Variants in EMP2 observed in about 807,000 individuals in gnomAD.
The protein encoded by EMP2 is epithelial membrane protein 2.
A neutral mutation model predicts 13.7 loss-of-function variants in EMP2; 19 were observed. The observed-to-expected ratio is 1.38, with a 90% CI of 0.97 to 2.03. The LOEUF (loss-of-function observed/expected upper bound fraction) is 2.03, where lower values mean the gene tolerates loss of function less well. EMP2 is among the 30% of genes most tolerant of loss of function. The pLI is 0.00. For missense variants in EMP2, 253 were observed against 220.7 expected, an observed-to-expected ratio of 1.15 and a Z score of -0.93; for synonymous variants, 97 against 84.7, an observed-to-expected ratio of 1.15 and a Z score of -0.80.
intron 4 of EMP2, among the ~76,000 whole-genome samples, chr16:10,536,390 G>A (rs979571820): frequency 1.3e-5 from 2 of 152,080 alleles, no homozygotes; most frequent in Admixed American, 6.5e-5. Flanking sequence ...TGTCAAGGAC[G>A]GGGCTAGGTG....
intron 1 of EMP2, among the ~76,000 whole-genome samples, chr16:10,554,638 C>A (rs529881472): frequency 6.6e-6 from 1 of 152,286 alleles, no homozygotes; most frequent in Admixed American, 6.5e-5. Flanking sequence ...AAGTTATTTT[C>A]CCTTCGAAAA....
rs951865738 is a variant in EMP2 at position 10,538,306 on chromosome 16, G to A, written c.170-232C>T. ...ACAATCCTCGACCCCTTATCTGGAA[G>A]ACGAGGCAAGAACCACCTGCTCTGC... On this transcript the variant is annotated intron_variant, in intron 3 of 4. Coordinates refer to ENST00000359543, the MANE Select transcript of EMP2 (RefSeq NM_001424.6). Among the ~76,000 whole-genome samples the A allele has an allele frequency of 2.0e-5, 3 of 152,196 alleles. No individual in the cohort carries two copies. The East Asian group carries it at 5.8e-4, about 29-fold the overall frequency.
At chr16:10,539,761 T>A (rs1414800425) in intron 3 of EMP2, among the ~76,000 whole-genome samples, 1 of 151,482 alleles carries the variant, frequency 6.6e-6, no homozygotes, top group East Asian at 1.9e-4. Context: ...TCTACTGAGA[T>A]GAAATAAATC....
intron 4 of EMP2, among the ~76,000 whole-genome samples, chr16:10,537,317 A>G (rs554764847): frequency 3.3e-5 from 5 of 152,348 alleles, no homozygotes; most frequent in African/African-American, 1.2e-4. Flanking sequence ...AAGTTCCTCC[A>G]GGACTGAGGC....
Position 10,580,181 on chromosome 16 carries a change from G to C in EMP2, c.-61+368C>G, listed in dbSNP as rs546453618. On this transcript the variant is annotated intron_variant, in intron 1 of 4. Transcript: ENST00000359543. This position sits in a 1 kb window ranked among gnomAD's most constrained non-coding sequence, Gnocchi z 4.3. Reference sequence around the variant, plus strand: ...CAGTCCTGCCCGCGAGGCGAGTCTGGGGACGCTGCCCGGGAATCCCTCACG... The same window carrying C: ...CAGTCCTGCCCGCGAGGCGAGTCTGCGGACGCTGCCCGGGAATCCCTCACG... Among the ~76,000 whole-genome samples the C allele has an allele frequency of 5.9e-5, 9 of 152,270 alleles. No individual in the cohort carries two copies. The South Asian group carries it at 1.7e-3, about 28-fold the overall frequency.
chr16:10,547,186 CAT>C (rs1596373095), intron 2 of EMP2: 2 of 180,036 alleles, frequency 1.1e-5, no homozygotes, highest in South Asian at 1.6e-4. Flanking sequence ...ATAATTCCCA[CAT>C]GTCGTGGGAG....
chr16:10,536,242 G>T (rs1314444889), intron 4 of EMP2, among the ~76,000 whole-genome samples: 1 of 152,160 alleles, frequency 6.6e-6, no homozygotes, highest in African/African-American at 2.4e-5. Context: ...ATTTTATATT[G>T]TATTTTATTC....
Position 10,533,021 on chromosome 16 carries a change from A to G in EMP2, c.388T>C (p.Phe130Leu), listed in dbSNP as rs1352831467. 1 of 1,611,392 alleles carries G rather than the reference A, an allele frequency of 6.2e-7. No homozygotes were observed. The highest frequency in any genetic ancestry group is 8.5e-7 in the Non-Finnish European group (1 of 1,178,804). The stretch of plus-strand genomic sequence containing the variant: ...CTGCCTTCTCTGGTCACGGGATAGA[A>G]TTTCGCGTTTTTGTCGTGAATGTCT... ...REDIHDKNAK[F>L]YPVTREGSYG... Residue 130 changes from phenylalanine (F) to leucine (L), a missense_variant, in exon 5 of 5, where the codon TTC (phenylalanine) becomes CTC (leucine). Transcript: ENST00000359543.
At chr16:10,568,205 A>G (rs890219381) in intron 1 of EMP2, among the ~76,000 whole-genome samples, 4 of 152,194 alleles carry the variant, frequency 2.6e-5, no homozygotes, top group Non-Finnish European at 4.4e-5. Flanking sequence ...GCCCCCACCA[A>G]TAGGTGCTAA....
At chr16:10,570,792 C>T (rs1319758098) in intron 1 of EMP2, among the ~76,000 whole-genome samples, 1 of 152,104 alleles carries the variant, frequency 6.6e-6, no homozygotes, top group Non-Finnish European at 1.5e-5. Flanking sequence ...CCTCCTGCCT[C>T]GGCCTTCCAA....
intron 3 of EMP2, among the ~76,000 whole-genome samples, chr16:10,539,415 G>A (rs961920479): frequency 9.9e-5 from 15 of 152,102 alleles, no homozygotes; most frequent in African/African-American, 3.4e-4. Flanking sequence ...AATTCCTTAT[G>A]GGGAGCGAAA....
intron 1 of EMP2, among the ~76,000 whole-genome samples, chr16:10,550,835 C>T (rs1209359179): frequency 1.3e-5 from 2 of 152,100 alleles, no homozygotes; most frequent in Admixed American, 6.5e-5. Flanking sequence ...ATTAGCCGGG[C>T]GTGGTGGTGG....
At chr16:10,567,566 G>T (rs1345389136) in intron 1 of EMP2, among the ~76,000 whole-genome samples, 1 of 152,230 alleles carries the variant, frequency 6.6e-6, no homozygotes, top group East Asian at 1.9e-4. Flanking sequence ...ACAGCCCAGG[G>T]AGGGCCAGGA....
intron 3 of EMP2, among the ~76,000 whole-genome samples, chr16:10,540,483 G>T (rs960978816): frequency 7.2e-6 from 1 of 139,776 alleles, no homozygotes; most frequent in African/African-American, 2.8e-5. Flanking sequence ...TCCAGCCTGG[G>T]TGACAGAGCG....
intron 1 of EMP2, among the ~76,000 whole-genome samples, chr16:10,567,105 A>C (rs575283179): frequency 6.8e-4 from 102 of 151,108 alleles, no homozygotes; most frequent in Non-Finnish European, 1.2e-3. Context: ...TTGAAGCACT[A>C]AACATTATCT....
intron 3 of EMP2, among the ~76,000 whole-genome samples, chr16:10,539,206 C>T (rs143829843): frequency 4.3e-4 from 66 of 152,166 alleles, no homozygotes; most frequent in African/African-American, 6.7e-4. Context: ...ACAGCGTCCA[C>T]GCTGCACAGA....
chr16:10,555,220 T>C (rs571055040), intron 1 of EMP2, among the ~76,000 whole-genome samples: 2 of 152,330 alleles, frequency 1.3e-5, no homozygotes, highest in South Asian at 2.1e-4. Context: ...CTCCTCAGAA[T>C]GCCCACGACA....
At chr16:10,570,657 C>A (rs138376025) in intron 1 of EMP2, among the ~76,000 whole-genome samples, 5 of 152,106 alleles carry the variant, frequency 3.3e-5, no homozygotes, top group Non-Finnish European at 5.9e-5. Context: ...CTCGGCCTCC[C>A]AAAGTGCTGG....
chr16:10,567,962 C>A (rs572003299), intron 1 of EMP2, among the ~76,000 whole-genome samples: 2 of 152,324 alleles, frequency 1.3e-5, no homozygotes, highest in South Asian at 4.1e-4. Flanking sequence ...AGGTCACACC[C>A]CCAGTAAGTG....
Sources: allele counts gnomAD v4.1 joint callset (sites outside exome capture counted in the v4.1 genomes callset), GRCh38; gene constraint gnomAD v4.1.1; non-coding constraint Gnocchi (gnomAD v3.1); transcripts MANE v1.5; gene names NCBI Gene and HGNC (gene_info 2026-07-23, HGNC 2026-07-21).